Variants in SV2C observed in about 807,000 individuals in gnomAD.
SV2C encodes solute carrier family 22 member B3.
Under a neutral mutation model 79.7 loss-of-function variants are expected in SV2C, and 49 were observed. The observed-to-expected ratio is 0.61, with a 90% CI of 0.49 to 0.78. The LOEUF is 0.78. SV2C is among the 30% of genes least tolerant of loss of function. SV2C has a pLI of 0.00. For synonymous variants in SV2C, 334 were observed against 333.2 expected (o/e 1.00, Z -0.03); for missense variants, 833 against 912.9 (o/e 0.91, Z 1.13).
chr5:75,997,196 C>G, the SV2C span, among the ~76,000 whole-genome samples: 9 of 151,964 alleles, frequency 5.9e-5, no homozygotes, highest in African/African-American at 1.9e-4. Context: ...TAGCATGAAG[C>G]CTTGTTGAAT....
rs780605841 is a variant in SV2C at position 76,325,408 on chromosome 5, C to A, written c.2045C>A (p.Ala682Asp). The A allele has an allele frequency of 6.2e-7, 1 of 1,614,192 alleles. No homozygotes were observed. The highest frequency in any genetic ancestry group is 8.5e-7 in the Non-Finnish European group (1 of 1,180,034). ...GFLNALCKAAAVLGNLIFGSL... is the reference protein window; with the variant it reads ...GFLNALCKAADVLGNLIFGSL... ...TTAAATGCGCTATGCAAGGCAGCAG[C>A]CGTCCTGGGAAACTTAATATTTGGC... The change falls in exon 13 of 13, where the codon GCC becomes GAC. Residue 682 changes from alanine to aspartate, a missense_variant. Coordinates refer to ENST00000502798, the MANE Select transcript of SV2C (RefSeq NM_014979.4).
chr5:76,264,062 G>A (rs1185396623), intron 4 of SV2C, among the ~76,000 whole-genome samples: 1 of 152,068 alleles, frequency 6.6e-6, no homozygotes. Flanking sequence ...GTCAATGTCA[G>A]GGACTCCAAT....
At chr5:76,237,414 A>G (rs1476295379) in intron 4 of SV2C, among the ~76,000 whole-genome samples, 2 of 151,934 alleles carry the variant, frequency 1.3e-5, no homozygotes, top group African/African-American at 2.4e-5. Context: ...TCTTACCACC[A>G]TTTTTTTACT....
At chr5:76,346,287 TG>T (rs1190297371) in intron 12 of SV2C, among the ~76,000 whole-genome samples, 1 of 152,246 alleles carries the variant, frequency 6.6e-6, no homozygotes, top group African/African-American at 2.4e-5. Flanking sequence ...TTGTTTTTAA[TG>T]TAATTTGTTT....
the SV2C span, among the ~76,000 whole-genome samples, chr5:75,956,470 A>G: frequency 3.3e-5 from 5 of 150,782 alleles, no homozygotes; most frequent in African/African-American, 9.7e-5. Context: ...TGGGTGCAGC[A>G]CACCAGCATG....
At position 76,325,726 on chromosome 5, in the gene SV2C, GTTGT is replaced by G. The variant is rs549283201; in HGVS notation, c.*190_*193del. On this transcript the variant is annotated 3_prime_UTR_variant, in exon 13 of 13. Coordinates refer to ENST00000502798, the MANE Select transcript of SV2C (RefSeq NM_014979.4). ...CTTGCCCCTTTGTGATTTTGCACAG[GTTGT>G]TTGTTTGTTTTGTTTTGTTTGAATG... is the stretch of plus-strand genomic sequence containing the variant. 2.0e-4 allele frequency: 171 copies of G among 867,402 alleles called. No individual in the cohort carries two copies. Among genetic ancestry groups the G allele is most frequent in the Middle Eastern group, 7.4e-4 (2 of 2,710 alleles). The allele number at this position is 867,402 out of a possible 1,614,324, so 53.7% of individuals were successfully genotyped here.
chr5:76,029,984 G>T, the SV2C span, among the ~76,000 whole-genome samples: 1 of 152,204 alleles, frequency 6.6e-6, no homozygotes, highest in South Asian at 2.1e-4. Context: ...GGAGCCTTTC[G>T]ATTTCAGAGG....
At chr5:75,974,497 A>G in the SV2C span, among the ~76,000 whole-genome samples, 1 of 151,942 alleles carries the variant, frequency 6.6e-6, no homozygotes, top group Non-Finnish European at 1.5e-5. Context: ...CGTTCTTCTC[A>G]TTTGTCTCTG....
intron 4 of SV2C, chr5:76,242,026 A>G: frequency 1.4e-6 from 2 of 1,400,798 alleles, no homozygotes; most frequent in East Asian, 2.3e-5. Context: ...CACACACTTC[A>G]CTTGGCATCT....
chr5:76,243,672 G>C lies in SV2C; in HGVS notation c.913+33785G>C, dbSNP rs141124479. 3.3e-5 allele frequency among the ~76,000 whole-genome samples: 5 copies of C among 152,054 alleles called. No homozygotes were observed. In the South Asian group the frequency reaches 6.2e-4, roughly 19 times the overall value. On this transcript the variant is annotated intron_variant, in intron 4 of 12. Transcript: ENST00000502798. Reference sequence around the variant, plus strand: ...TGATTCTGCTTCTGTGCCGTGCCCCGCAGTCTATTCTCAACAAGACAACCA... The same window carrying C: ...TGATTCTGCTTCTGTGCCGTGCCCCCCAGTCTATTCTCAACAAGACAACCA...
intron 12 of SV2C, among the ~76,000 whole-genome samples, chr5:76,306,365 A>ACT (rs1205010476): frequency 2.0e-5 from 3 of 152,004 alleles, no homozygotes; most frequent in Non-Finnish European, 4.4e-5. Flanking sequence ...TCCAAAAGAT[A>ACT]CTCTTATCCA....
chr5:76,068,073 G>A, the SV2C span, among the ~76,000 whole-genome samples: 1 of 151,962 alleles, frequency 6.6e-6, no homozygotes, highest in South Asian at 2.1e-4. Context: ...TATTCCATTA[G>A]CCAGAGCTTG....
chr5:76,345,360 C>T (rs1157935895), intron 12 of SV2C, among the ~76,000 whole-genome samples: 1 of 152,226 alleles, frequency 6.6e-6, no homozygotes, highest in Non-Finnish European at 1.5e-5. Flanking sequence ...GTGCTGGAGA[C>T]AGGCAGGGTG....
Position 76,187,768 on chromosome 5 carries a change from T to C in SV2C, c.581-7151T>C, listed in dbSNP as rs868829186. Reference sequence around the variant, plus strand: ...CAAATTGCAAAAAAAAAAAAAAATATGTCTTAGGGATTTAGAAAATTACTC... The same window carrying C: ...CAAATTGCAAAAAAAAAAAAAAATACGTCTTAGGGATTTAGAAAATTACTC... On this transcript the variant is annotated intron_variant, in intron 2 of 12. Transcript: ENST00000502798. 7.3e-5 allele frequency among the ~76,000 whole-genome samples: 11 copies of C among 151,386 alleles called. No homozygotes were observed. The South Asian group carries it at 1.7e-3, about 23-fold the overall frequency.
intron 4 of SV2C, among the ~76,000 whole-genome samples, chr5:76,256,057 C>A (rs946727800): frequency 1.3e-5 from 2 of 152,294 alleles, no homozygotes; most frequent in Non-Finnish European, 2.9e-5. Context: ...AACATTTCTT[C>A]TCTGCAGCCC....
chr5:75,977,942 G>T, the SV2C span, among the ~76,000 whole-genome samples: 1 of 152,122 alleles, frequency 6.6e-6, no homozygotes, highest in African/African-American at 2.4e-5. Flanking sequence ...AGCCATTCCT[G>T]GGCTGTCATC....
At chr5:75,865,565 T>G in the SV2C span, among the ~76,000 whole-genome samples, 667 of 152,306 alleles carry the variant, frequency 4.4e-3, 3 homozygotes, top group African/African-American at 0.015. Flanking sequence ...GTACATCTGG[T>G]TATCTACTTT....
chr5:75,850,678 G>T, the SV2C span, among the ~76,000 whole-genome samples: 1 of 151,844 alleles, frequency 6.6e-6, no homozygotes, highest in African/African-American at 2.4e-5. Flanking sequence ...AATTTACCGA[G>T]ACAATTTTAG....
At chr5:76,344,235 A>G (rs1479217708) in intron 12 of SV2C, among the ~76,000 whole-genome samples, 2 of 152,226 alleles carry the variant, frequency 1.3e-5, no homozygotes, top group Non-Finnish European at 2.9e-5. Context: ...AAGTGCCAAG[A>G]TCACTAAAGA....
Sources: gnomAD v4.1 joint callset for allele counts (sites outside exome capture counted in the v4.1 genomes callset) on GRCh38, gnomAD v4.1.1 for gene constraint, MANE v1.5 for transcripts, NCBI Gene and HGNC (gene_info 2026-07-23, HGNC 2026-07-21) for gene names.